The following CA13 variants were observed in gnomAD, a reference collection of about 807,000 sequenced individuals.
The protein encoded by CA13 is carbonic anhydrase 13.
In CA13, 21 loss-of-function variants were observed where a neutral mutation model predicts 31.5. That is an observed-to-expected ratio of 0.67 (90% CI 0.47 to 0.96). CA13 has a LOEUF of 0.96. Among genes scored for constraint, CA13 ranks in the 40% least tolerant of loss-of-function variants. The probability of loss-of-function intolerance (pLI) is 0.00; values close to 1 mark genes in which losing one functional copy is unlikely to be tolerated. For missense variants in CA13, 315 were observed against 318.9 expected (o/e 0.99, Z 0.09); for synonymous variants, 117 against 111.4 (o/e 1.05, Z -0.32).
intron 1 of CA13, 60 bp downstream of exon 1, chr8:85,245,925 A>ACGCCC: frequency 1.3e-6 from 2 of 1,593,966 alleles, no homozygotes; most frequent in Non-Finnish European, 1.7e-6. Flanking sequence ...GACTAGCGCG[A>ACGCCC]CGCCCCGGCG....
At chr8:85,276,276 G>A (rs986911739) in intron 6 of CA13, among the ~76,000 whole-genome samples, 1 of 152,220 alleles carries the variant, frequency 6.6e-6, no homozygotes, top group Non-Finnish European at 1.5e-5. Context: ...CAGGGCTCGG[G>A]ACCTGCAGCC....
At position 85,281,547 on chromosome 8, in the gene CA13, C is replaced by G. The variant is rs958115755; in HGVS notation, c.*198C>G. On this transcript the variant is annotated 3_prime_UTR_variant, in exon 7 of 7. Transcript: ENST00000321764. ...TTTTTTTTAGTGATAGAGTCTCACT[C>G]TGTCACCCAGGCTGGAGGGCAGTGG... 47 of 1,240,640 alleles carry G rather than the reference C, an allele frequency of 3.8e-5. No individual in the cohort carries two copies. Among genetic ancestry groups the G allele is most frequent in the Non-Finnish European group, 4.7e-5 (46 of 973,952 alleles). 76.9% of individuals were successfully genotyped at this position (1,240,640 alleles called of 1,614,324 possible). A position where few individuals can be genotyped will look rare whatever the true frequency, so the allele number is the denominator to read the frequency against.
At position 85,251,047 on chromosome 8, in the gene CA13, G is replaced by A. The variant is rs187543069; in HGVS notation, c.235+110G>A. Reference sequence around the variant, plus strand: ...AGACAGAGTCTCGCTCTGTCGCCAGGCTGAAGTGTAGTGGCGCGATCTTGG... The same window carrying A: ...AGACAGAGTCTCGCTCTGTCGCCAGACTGAAGTGTAGTGGCGCGATCTTGG... On this transcript the variant is annotated intron_variant, in intron 2 of 6. Transcript: ENST00000321764. 3.2e-4 allele frequency: 304 copies of A among 956,532 alleles called. No individual in the cohort carries two copies. The African/African-American group carries it at 4.7e-3, about 15-fold the overall frequency. The allele number at this position is 956,532 out of a possible 1,614,324, so 59.3% of individuals were successfully genotyped here.
rs1414168454 is a variant in CA13 at position 85,280,498 on chromosome 8, T to G, written c.670-732T>G. 2.0e-5 allele frequency among the ~76,000 whole-genome samples: 3 copies of G among 152,312 alleles called. No individual in the cohort carries two copies. In the East Asian group the frequency reaches 5.8e-4, roughly 29 times the overall value. On this transcript the variant is annotated intron_variant, in intron 6 of 6. Transcript: ENST00000321764. ...AAAACCTAAAGGATGTGAATTTGGT[T>G]GACTCTGAGATTAGATGGTTAACAA... is the stretch of plus-strand genomic sequence containing the variant.
intron 6 of CA13, among the ~76,000 whole-genome samples, chr8:85,276,478 C>T (rs1224551388): frequency 6.6e-6 from 1 of 152,266 alleles, no homozygotes; most frequent in African/African-American, 2.4e-5. Context: ...CTGGGTGAAG[C>T]CAGCTGGGCT....
chr8:85,253,038 C>T (rs915221408), intron 2 of CA13, among the ~76,000 whole-genome samples: 4 of 151,696 alleles, frequency 2.6e-5, no homozygotes, highest in South Asian at 2.1e-4. Flanking sequence ...CTCTGCCTTC[C>T]GGGTTCAAGC....
chr8:85,256,399 A>C (rs1807297210), intron 2 of CA13, among the ~76,000 whole-genome samples: 1 of 152,220 alleles, frequency 6.6e-6, no homozygotes, highest in South Asian at 2.1e-4. Flanking sequence ...CTGATTAAGA[A>C]AGTCCTGCTA....
intron 2 of CA13, among the ~76,000 whole-genome samples, chr8:85,252,513 A>G (rs1807208495): frequency 6.6e-6 from 1 of 152,196 alleles, no homozygotes; most frequent in African/African-American, 2.4e-5. Context: ...TAAATAATGG[A>G]CTTATAGATT....
At chr8:85,268,777 T>C (rs1807490293) in intron 6 of CA13, 150 bp downstream of exon 6, 1 of 632,344 alleles carries the variant, frequency 1.6e-6, no homozygotes, top group East Asian at 2.8e-5. Context: ...AGATGAGACC[T>C]ATGTCCCTTT....
chr8:85,277,870 G>C (rs1017271917), intron 6 of CA13, among the ~76,000 whole-genome samples: 5 of 152,186 alleles, frequency 3.3e-5, no homozygotes, highest in Non-Finnish European at 5.9e-5. Context: ...GTGTCTCCCA[G>C]CCAGCTCTCT....
chr8:85,258,562 T>A (rs1807333113), intron 2 of CA13, among the ~76,000 whole-genome samples: 1 of 151,930 alleles, frequency 6.6e-6, no homozygotes, highest in South Asian at 2.1e-4. Flanking sequence ...TGTGTTCAAT[T>A]TTTCTTCTGT....
At chr8:85,264,249 G>T (rs1001388817) in intron 3 of CA13, among the ~76,000 whole-genome samples, 1 of 152,044 alleles carries the variant, frequency 6.6e-6, no homozygotes, top group African/African-American at 2.4e-5. Context: ...TGGATTTTTG[G>T]CATAGTATTT....
chr8:85,277,704 C>T (rs541604723), intron 6 of CA13, among the ~76,000 whole-genome samples: 46 of 152,248 alleles, frequency 3.0e-4, no homozygotes, highest in Non-Finnish European at 5.1e-4. Flanking sequence ...TTTTAATGAG[C>T]GCCTGGGTGC....
At chr8:85,268,789 G>A (rs1011324953) in intron 6 of CA13, among the ~76,000 whole-genome samples, 162 bp downstream of exon 6, 9 of 150,176 alleles carry the variant, frequency 6.0e-5, no homozygotes, top group Admixed American at 5.4e-4. Context: ...TGTCCCTTTC[G>A]TATTTGACCT....
At chr8:85,276,524 C>T (rs1219482218) in intron 6 of CA13, among the ~76,000 whole-genome samples, 3 of 152,252 alleles carry the variant, frequency 2.0e-5, no homozygotes, top group Non-Finnish European at 4.4e-5. Context: ...GCCTTTATGT[C>T]TAGCTAAGGG....
Position 85,268,582 on chromosome 8 carries a change from C to T in CA13, c.624C>T (p.Val208=), listed in dbSNP as rs890068336. 2 of 1,613,720 alleles carry T rather than the reference C, an allele frequency of 1.2e-6. No homozygotes were observed. Among genetic ancestry groups the T allele is most frequent in the Admixed American group, 1.7e-5 (1 of 59,986 alleles). The change falls in exon 6 of 7, where the codon GTC becomes GTT. Residue 208 remains valine, a synonymous_variant. Transcript: ENST00000321764. ...SLTVPPLLES[V]TWIVLKQPIN... The stretch of plus-strand genomic sequence containing the variant: ...CAGTTCCACCTCTTCTTGAGAGTGT[C>T]ACATGGATTGTTTTAAAGCAACCTA...
chr8:85,251,216 ATGGTCT>A (rs1442307962), intron 2 of CA13, among the ~76,000 whole-genome samples: 1 of 151,890 alleles, frequency 6.6e-6, no homozygotes, highest in East Asian at 1.9e-4. Context: ...GTTGGCCAGG[ATGGTCT>A]TGATCTCCTG....
At chr8:85,275,720 T>A (rs896380638) in intron 6 of CA13, among the ~76,000 whole-genome samples, 1 of 152,206 alleles carries the variant, frequency 6.6e-6, no homozygotes, top group Non-Finnish European at 1.5e-5. Flanking sequence ...GGACAAATAG[T>A]CCCATTACGA....
chr8:85,274,224 G>A (rs968755549), intron 6 of CA13, among the ~76,000 whole-genome samples: 8 of 152,150 alleles, frequency 5.3e-5, no homozygotes, highest in Middle Eastern at 3.2e-3. Context: ...TACTTCAGGC[G>A]TGACATAGGG....
Sources: gnomAD v4.1 joint callset for allele counts (sites outside exome capture counted in the v4.1 genomes callset) on GRCh38, gnomAD v4.1.1 for gene constraint, MANE v1.5 for transcripts, NCBI Gene and HGNC (gene_info 2026-07-23, HGNC 2026-07-21) for gene names.